AGBL1: variants seen among roughly 807,000 people sequenced by gnomAD.
AGBL1 encodes the protein AGBL carboxypeptidase 1.
In AGBL1, 130 loss-of-function variants were observed where a neutral mutation model predicts 118.9. The observed-to-expected ratio is 1.09, with a 90% confidence interval of 0.95 to 1.26. The LOEUF is 1.26. Among genes scored for constraint, AGBL1 ranks in the 50% most tolerant of loss-of-function variants. The pLI is 0.00. For missense variants in AGBL1, 1,584 were observed against 1,298.1 expected, an observed-to-expected ratio of 1.22 and a Z score of -3.38; for synonymous variants, 555 against 478.9, an observed-to-expected ratio of 1.16 and a Z score of -2.08.
chr15:86,293,157 T>G (rs1597691908), intron 16 of AGBL1, among the ~76,000 whole-genome samples: 1 of 152,248 alleles, frequency 6.6e-6, no homozygotes, highest in East Asian at 1.9e-4. Flanking sequence ...GTACTTACTT[T>G]AGGACATTCT....
chr15:86,082,476 C>G (rs763829323), intron 1 of AGBL1, among the ~76,000 whole-genome samples: 2 of 152,110 alleles, frequency 1.3e-5, no homozygotes, highest in Non-Finnish European at 2.9e-5. Flanking sequence ...TTAGGAGTGC[C>G]CCAAAAGGTT....
At chr15:86,185,647 A>G (rs1175064683) in intron 5 of AGBL1, among the ~76,000 whole-genome samples, 2 of 151,834 alleles carry the variant, frequency 1.3e-5, no homozygotes, top group Non-Finnish European at 2.9e-5. Flanking sequence ...TCAGCAAACT[A>G]TCTCAAGGAC....
intron 17 of AGBL1, among the ~76,000 whole-genome samples, chr15:86,297,436 G>A (rs2079663558): frequency 6.6e-6 from 1 of 152,152 alleles, no homozygotes; most frequent in Non-Finnish European, 1.5e-5. Flanking sequence ...TCTGCTTAAT[G>A]CTTTTCTGCT....
intron 21 of AGBL1, among the ~76,000 whole-genome samples, chr15:86,565,161 C>T (rs969161652): frequency 1.1e-4 from 16 of 152,326 alleles, no homozygotes; most frequent in Admixed American, 9.8e-4. Context: ...CAGCTTTGTT[C>T]CATTGCTGGC....
intron 23 of AGBL1, among the ~76,000 whole-genome samples, chr15:86,927,463 A>T (rs1258411772): frequency 6.6e-6 from 1 of 151,378 alleles, no homozygotes; most frequent in Admixed American, 6.6e-5. Flanking sequence ...GCACAGGCCT[A>T]TAAGTCCTAG....
chr15:86,375,302 C>T (rs1316853939), intron 17 of AGBL1, among the ~76,000 whole-genome samples: 3 of 152,148 alleles, frequency 2.0e-5, no homozygotes, highest in African/African-American at 4.8e-5. Flanking sequence ...GCACCTTCTT[C>T]ACAAGTCGGC....
chr15:86,376,663 G>T (rs1295667786), intron 17 of AGBL1, among the ~76,000 whole-genome samples: 1 of 152,180 alleles, frequency 6.6e-6, no homozygotes, highest in African/African-American at 2.4e-5. Flanking sequence ...CTCTCTCCTT[G>T]CAGAGGCTGG....
chr15:86,462,629 C>T (rs1421190331), intron 18 of AGBL1, among the ~76,000 whole-genome samples: 1 of 152,100 alleles, frequency 6.6e-6, no homozygotes, highest in Non-Finnish European at 1.5e-5. Flanking sequence ...GTTCCCCTCC[C>T]TGTGCCCATA....
At chr15:86,372,105 A>T (rs1331528449) in intron 17 of AGBL1, among the ~76,000 whole-genome samples, 1 of 152,176 alleles carries the variant, frequency 6.6e-6, no homozygotes, top group Admixed American at 6.5e-5. Context: ...CCAGGCAGAG[A>T]TGGTGGATAG....
At chr15:86,499,425 T>C (rs1006803073) in intron 18 of AGBL1, among the ~76,000 whole-genome samples, 2 of 151,810 alleles carry the variant, frequency 1.3e-5, no homozygotes, top group African/African-American at 4.8e-5. Context: ...CGAAGTGTAA[T>C]GGAACCAGGA....
At chr15:86,428,379 G>A (rs936575922) in intron 18 of AGBL1, among the ~76,000 whole-genome samples, 11 of 152,166 alleles carry the variant, frequency 7.2e-5, no homozygotes, top group Non-Finnish European at 1.5e-4. Flanking sequence ...ATATATTAAA[G>A]AGGAATACTC....
chr15:86,156,044 C>A (rs1457054271), intron 4 of AGBL1, among the ~76,000 whole-genome samples: 1 of 152,032 alleles, frequency 6.6e-6, no homozygotes, highest in Non-Finnish European at 1.5e-5. Context: ...GTCTCAGCCT[C>A]CCGAGTAGCT....
chr15:86,744,636 A>AG (rs1410407408), intron 22 of AGBL1, among the ~76,000 whole-genome samples: 1 of 152,048 alleles, frequency 6.6e-6, no homozygotes, highest in Non-Finnish European at 1.5e-5. Flanking sequence ...TCACCCCCAG[A>AG]GGGGGGGAGG....
At chr15:86,246,390 G>A (rs565532463) in intron 6 of AGBL1, among the ~76,000 whole-genome samples, 35 of 152,322 alleles carry the variant, frequency 2.3e-4, no homozygotes, top group African/African-American at 8.2e-4. Context: ...AACAGTGTCT[G>A]GGGAGAGAGA....
intron 22 of AGBL1, among the ~76,000 whole-genome samples, chr15:86,763,657 G>A (rs2078058210): frequency 6.6e-6 from 1 of 151,912 alleles, no homozygotes; most frequent in East Asian, 1.9e-4. Flanking sequence ...CAAGATTATT[G>A]TCACTTGTCA....
At chr15:86,496,240 T>G (rs1398553238) in intron 18 of AGBL1, among the ~76,000 whole-genome samples, 1 of 152,016 alleles carries the variant, frequency 6.6e-6, no homozygotes, top group Non-Finnish European at 1.5e-5. Context: ...GCTCTCTCTC[T>G]CCTGCCACCT....
intron 21 of AGBL1, among the ~76,000 whole-genome samples, chr15:86,599,835 A>C (rs1343832828): frequency 6.6e-6 from 1 of 152,120 alleles, no homozygotes; most frequent in Non-Finnish European, 1.5e-5. Context: ...ATTGGTTAAT[A>C]ACAAATTGGG....
intron 21 of AGBL1, among the ~76,000 whole-genome samples, chr15:86,576,342 G>A (rs1421593079): frequency 6.6e-6 from 1 of 152,036 alleles, no homozygotes; most frequent in Non-Finnish European, 1.5e-5. Context: ...AAACCAGAAT[G>A]GATTCGGAGA....
rs1464157213 is a variant in AGBL1 at position 86,267,007 on chromosome 15, C to T, written c.1769C>T (p.Ala590Val). 9 of 1,570,350 alleles carry T rather than the reference C, an allele frequency of 5.7e-6. No individual in the cohort carries two copies. The South Asian group carries it at 5.9e-5, about 10-fold the overall frequency. Residue 590 changes from alanine to valine, a missense_variant, in exon 13 of 23, where the codon GCT (alanine) becomes GTT (valine). Ala to Val is a moderately conservative substitution (Grantham distance 64, BLOSUM62 0). Transcript: ENST00000614907. ...CATTGTAGGCCTTTGCAAGACAATG[C>T]TTCCAATTGTTTACGGTTCTTCTCC... ...LDEPWPLQDN[A>V]SNCLRFFSKF...
Sources: allele counts gnomAD v4.1 joint callset (sites outside exome capture counted in the v4.1 genomes callset), GRCh38; gene constraint gnomAD v4.1.1; transcripts MANE v1.5; gene names NCBI Gene and HGNC (gene_info 2026-07-23, HGNC 2026-07-21).